Variants in ZBBX observed in about 807,000 individuals in gnomAD.
The protein encoded by ZBBX is zinc finger B-box domain containing, also known as zinc finger B-box domain-containing protein 1.
In ZBBX, 101 loss-of-function variants were observed where a neutral mutation model predicts 108.5. The observed-to-expected ratio is 0.93, with a 90% CI of 0.79 to 1.10. ZBBX has a LOEUF of 1.10. ZBBX is among the 50% of genes least tolerant of loss of function. The pLI, the probability that ZBBX is intolerant of heterozygous loss-of-function variation, is 0.00. For missense variants in ZBBX, 1,009 were observed against 941.4 expected (o/e 1.07, Z -0.94); for synonymous variants, 356 against 323.4 (o/e 1.10, Z -1.08).
the ZBBX span, among the ~76,000 whole-genome samples, chr3:167,194,214 A>G: frequency 3.0e-4 from 43 of 142,816 alleles, no homozygotes; most frequent in Non-Finnish European, 5.7e-4. Context: ...TATCACATGT[A>G]CTAAATATGT....
At chr3:167,235,233 T>A (rs1440500427), downstream of ZBBX, among the ~76,000 whole-genome samples, 1 of 151,780 alleles carries the variant, frequency 6.6e-6, no homozygotes, top group East Asian at 1.9e-4. Flanking sequence ...GTAAACATGA[T>A]AAATATCTTT....
intron 8 of ZBBX, among the ~76,000 whole-genome samples, chr3:167,353,688 G>T (rs748496278): frequency 6.6e-6 from 1 of 151,820 alleles, no homozygotes; most frequent in Non-Finnish European, 1.5e-5. Flanking sequence ...ACAGAGCAGT[G>T]ATATTATATG....
At chr3:167,266,692 T>C (rs1006430765) in intron 20 of ZBBX, among the ~76,000 whole-genome samples, 1 of 152,228 alleles carries the variant, frequency 6.6e-6, no homozygotes, top group Non-Finnish European at 1.5e-5. Context: ...CAGTGTGCAC[T>C]TGCAATCTTG....
chr3:167,317,137 A>G, intron 13 of ZBBX, 32 bp from the exon 14 acceptor site: 1 of 1,354,936 alleles, frequency 7.4e-7, no homozygotes, highest in Non-Finnish European at 1.0e-6. Flanking sequence ...TAATATCATC[A>G]AAGAATATAT....
chr3:167,310,723 G>T (rs572259483), intron 16 of ZBBX, among the ~76,000 whole-genome samples: 1 of 152,022 alleles, frequency 6.6e-6, no homozygotes, highest in East Asian at 1.9e-4. Flanking sequence ...TGACACATGG[G>T]GATTACAATT....
chr3:167,328,789 A>G (rs926883189), intron 10 of ZBBX, among the ~76,000 whole-genome samples: 2 of 152,216 alleles, frequency 1.3e-5, no homozygotes, highest in African/African-American at 4.8e-5. Flanking sequence ...CATTTTGTTG[A>G]CTCAATGAAA....
At chr3:167,181,922 T>C in the ZBBX span, among the ~76,000 whole-genome samples, 1 of 152,164 alleles carries the variant, frequency 6.6e-6, no homozygotes, top group Non-Finnish European at 1.5e-5. Flanking sequence ...TTGTGCAGCA[T>C]AAATCTACTG....
chr3:167,204,263 T>A, the ZBBX span, among the ~76,000 whole-genome samples: 1 of 139,192 alleles, frequency 7.2e-6, no homozygotes, highest in Non-Finnish European at 1.6e-5. Context: ...TATTATACTC[T>A]AAGTTTTAGG....
chr3:167,317,664 CTTGAT>C, intron 12 of ZBBX, 67 bp from the exon 13 acceptor site: 1 of 1,035,812 alleles, frequency 9.7e-7, no homozygotes, highest in Admixed American at 2.4e-5. Context: ...CAGACAAGCT[CTTGAT>C]TTATTTATCA....
chr3:167,376,481 G>A (rs983757102), intron 2 of ZBBX, among the ~76,000 whole-genome samples: 3 of 151,994 alleles, frequency 2.0e-5, no homozygotes, highest in Non-Finnish European at 1.5e-5. Context: ...AAGTTAATCT[G>A]TCTGATTATT....
At chr3:167,357,824 C>T (rs1442205164) in intron 8 of ZBBX, among the ~76,000 whole-genome samples, 10 of 152,000 alleles carry the variant, frequency 6.6e-5, no homozygotes, top group Admixed American at 2.0e-4. Flanking sequence ...GGCACATATA[C>T]ACCATGGAAT....
At chr3:167,179,430 T>C in the ZBBX span, among the ~76,000 whole-genome samples, 1 of 152,262 alleles carries the variant, frequency 6.6e-6, no homozygotes, top group Admixed American at 6.5e-5. Flanking sequence ...CCATCAGCCA[T>C]TTGATTCCCT....
intron 12 of ZBBX, among the ~76,000 whole-genome samples, chr3:167,319,829 A>G (rs1473644253): frequency 6.6e-6 from 1 of 152,034 alleles, no homozygotes; most frequent in East Asian, 1.9e-4. Context: ...AGATAATGAA[A>G]GCCAAGTTTC....
chr3:167,210,317 A>T, the ZBBX span, among the ~76,000 whole-genome samples: 1 of 152,166 alleles, frequency 6.6e-6, no homozygotes, highest in African/African-American at 2.4e-5. Flanking sequence ...GAAGAAAAAA[A>T]TAGTGAACTT....
intron 20 of ZBBX, among the ~76,000 whole-genome samples, chr3:167,244,848 T>C (rs1560016200): frequency 1.3e-5 from 2 of 152,190 alleles, no homozygotes; most frequent in Non-Finnish European, 2.9e-5. Context: ...GAGGAATCTC[T>C]TTAAAAATAA....
the ZBBX span, among the ~76,000 whole-genome samples, chr3:167,232,278 A>G: frequency 3.6e-4 from 55 of 151,838 alleles, no homozygotes; most frequent in African/African-American, 1.3e-3. Context: ...TCTTAAGAGG[A>G]GAGCGATGCT....
At chr3:167,367,062 AT>A (rs1445217740) in intron 5 of ZBBX, 3 of 358,128 alleles carry the variant, frequency 8.4e-6, no homozygotes, top group African/African-American at 6.4e-5. Flanking sequence ...ACACATTTGA[AT>A]TGTCATTAAA....
chr3:167,340,652 T>C (rs1740379484), intron 9 of ZBBX, among the ~76,000 whole-genome samples: 1 of 151,998 alleles, frequency 6.6e-6, no homozygotes, highest in Admixed American at 6.6e-5. Context: ...TAAAGGAAGC[T>C]ATCCATAAAT....
chr3:167,227,264 C>T, the ZBBX span, among the ~76,000 whole-genome samples: 1 of 151,856 alleles, frequency 6.6e-6, no homozygotes, highest in South Asian at 2.1e-4. Context: ...AAGTCCTAGA[C>T]TATTATAGAT....
Sources: allele counts gnomAD v4.1 joint callset (sites outside exome capture counted in the v4.1 genomes callset), GRCh38; gene constraint gnomAD v4.1.1; transcripts MANE v1.5; gene names NCBI Gene and HGNC (gene_info 2026-07-23, HGNC 2026-07-21).